DNM3: variants seen among roughly 807,000 people sequenced by gnomAD.
DNM3 encodes the protein dynamin 3.
Under a neutral mutation model 101.6 loss-of-function variants are expected in DNM3, and 47 were observed. The observed-to-expected ratio is 0.46, with a 90% CI of 0.37 to 0.59. DNM3 has a LOEUF of 0.59. DNM3 is among the 20% of genes least tolerant of loss of function. The probability of loss-of-function intolerance (pLI) is 0.00; values close to 1 mark genes in which losing one functional copy is unlikely to be tolerated. For missense variants in DNM3, 849 were observed against 1,085.7 expected (o/e 0.78, Z 3.06); for synonymous variants, 385 against 387.9 (o/e 0.99, Z 0.09).
At chr1:172,047,670 T>C (rs2125858284) in intron 9 of DNM3, among the ~76,000 whole-genome samples, 1 of 152,180 alleles carries the variant, frequency 6.6e-6, no homozygotes, top group South Asian at 2.1e-4. Flanking sequence ...CAGTTAGAAA[T>C]AGAGGTGAGC....
At chr1:172,224,416 C>G (rs1294369506) in intron 14 of DNM3, among the ~76,000 whole-genome samples, 1 of 152,044 alleles carries the variant, frequency 6.6e-6, no homozygotes, top group Non-Finnish European at 1.5e-5. Context: ...TAGCTGTACT[C>G]TATTTGTTTT....
chr1:172,267,158 A>G (rs1023731264), intron 15 of DNM3, among the ~76,000 whole-genome samples: 59 of 152,168 alleles, frequency 3.9e-4, no homozygotes, highest in African/African-American at 1.1e-3. Flanking sequence ...CAATTCTATA[A>G]CTTCTCTACT....
At chr1:172,159,510 G>A (rs1173762246) in intron 14 of DNM3, among the ~76,000 whole-genome samples, 2 of 152,012 alleles carry the variant, frequency 1.3e-5, no homozygotes, top group Non-Finnish European at 2.9e-5. Flanking sequence ...ATGTGAATGA[G>A]ATCCAGTGCT....
intron 2 of DNM3, among the ~76,000 whole-genome samples, chr1:171,924,464 G>T (rs1437205746): frequency 2.0e-5 from 3 of 152,190 alleles, no homozygotes; most frequent in Non-Finnish European, 4.4e-5. Context: ...CAGCATGGCT[G>T]GGGAGGTCTC....
At chr1:172,321,261 A>T (rs1332948291) in intron 16 of DNM3, among the ~76,000 whole-genome samples, 3 of 152,200 alleles carry the variant, frequency 2.0e-5, no homozygotes, top group African/African-American at 7.2e-5. Flanking sequence ...CATATTTATT[A>T]AAGTGCTGAT....
intron 15 of DNM3, among the ~76,000 whole-genome samples, chr1:172,263,756 G>C (rs112221788): frequency 0.021 from 3,162 of 152,210 alleles, 112 homozygotes; most frequent in African/African-American, 0.071. Flanking sequence ...ATTTATGGGA[G>C]CTACAATTCA....
intron 11 of DNM3, among the ~76,000 whole-genome samples, chr1:172,079,535 G>A (rs1264424300): frequency 1.3e-5 from 2 of 151,912 alleles, no homozygotes; most frequent in African/African-American, 4.8e-5. Context: ...TTTTTTCAAG[G>A]TTCTTAGCTT....
chr1:172,315,116 T>C (rs2065268051), intron 16 of DNM3, among the ~76,000 whole-genome samples: 1 of 152,188 alleles, frequency 6.6e-6, no homozygotes, highest in African/African-American at 2.4e-5. Flanking sequence ...CCGCTGCTGA[T>C]ACCCAGGCAA....
At chr1:172,014,390 G>T (rs1183308234) in intron 4 of DNM3, among the ~76,000 whole-genome samples, 1 of 152,066 alleles carries the variant, frequency 6.6e-6, no homozygotes, top group African/African-American at 2.4e-5. Flanking sequence ...TTCCAAAGTG[G>T]CTATACCATT....
At chr1:172,262,462 G>A (rs1168181988) in intron 15 of DNM3, among the ~76,000 whole-genome samples, 1 of 152,110 alleles carries the variant, frequency 6.6e-6, no homozygotes, top group Admixed American at 6.5e-5. Flanking sequence ...GGATTGAGGT[G>A]TTCTCTCATG....
At chr1:172,173,963 G>A (rs867612118) in intron 14 of DNM3, among the ~76,000 whole-genome samples, 1 of 151,506 alleles carries the variant, frequency 6.6e-6, no homozygotes, top group African/African-American at 2.4e-5. Context: ...TACCAAACTA[G>A]AAATCCATAA....
intron 14 of DNM3, among the ~76,000 whole-genome samples, chr1:172,253,313 A>C (rs529632292): frequency 6.6e-6 from 1 of 152,042 alleles, no homozygotes; most frequent in African/African-American, 2.4e-5. Context: ...CATTTTTCCA[A>C]CCACATGTTG....
intron 4 of DNM3, 97 bp from the exon 5 acceptor site, chr1:172,032,305 C>G (rs993576083): frequency 1.1e-6 from 1 of 879,642 alleles, no homozygotes; most frequent in Non-Finnish European, 1.9e-6. Flanking sequence ...GGAAAAGGAC[C>G]AGGAAAATGT....
chr1:171,946,004 G>A (rs1261366865), intron 2 of DNM3, among the ~76,000 whole-genome samples: 1 of 152,150 alleles, frequency 6.6e-6, no homozygotes, highest in Admixed American at 6.5e-5. Flanking sequence ...GGTGCCTTGC[G>A]CAGCTGGAGA....
Position 171,921,870 on chromosome 1 carries a change from C to G in DNM3, c.235+49C>G, listed in dbSNP as rs199507116. 1,741 of 1,518,910 alleles carry G rather than the reference C, an allele frequency of 1.1e-3. 12 individuals carry two copies. Among genetic ancestry groups the G allele is most frequent in the South Asian group, 8.2e-3 (691 of 83,978 alleles). The allele number at this position is 1,518,910 out of a possible 1,614,324, so 94.1% of individuals were successfully genotyped here. ...CATGGATGGGCACATCCTGTGGCCC[C>G]TTTTGCCTTCATAGGTGTGGGATTG... On this transcript the variant is annotated intron_variant, in intron 2 of 20. Transcript: ENST00000627582.
At chr1:172,280,278 A>G (rs987149391) in intron 15 of DNM3, among the ~76,000 whole-genome samples, 7 of 151,898 alleles carry the variant, frequency 4.6e-5, no homozygotes, top group African/African-American at 1.7e-4. Context: ...ATCCTGCTCT[A>G]TTTTGTTCAT....
chr1:172,308,359 T>C (rs1442787471), intron 15 of DNM3, among the ~76,000 whole-genome samples: 1 of 152,218 alleles, frequency 6.6e-6, no homozygotes, highest in African/African-American at 2.4e-5. Context: ...TTTAGTCATT[T>C]AGACTCATAA....
intron 17 of DNM3, among the ~76,000 whole-genome samples, chr1:172,338,475 CCT>C (rs1419346030): frequency 6.6e-6 from 1 of 152,162 alleles, no homozygotes; most frequent in African/African-American, 2.4e-5. Flanking sequence ...TTCCCAAGTC[CCT>C]GTCAGCTGTG....
chr1:172,103,469 T>C (rs1220897859), intron 13 of DNM3, among the ~76,000 whole-genome samples: 2 of 152,186 alleles, frequency 1.3e-5, no homozygotes, highest in African/African-American at 4.8e-5. Context: ...AAAACTTCTT[T>C]GTGGCATAAT....
Sources: gnomAD v4.1 joint callset for allele counts (sites outside exome capture counted in the v4.1 genomes callset) on GRCh38, gnomAD v4.1.1 for gene constraint, MANE v1.5 for transcripts, NCBI Gene and HGNC (gene_info 2026-07-23, HGNC 2026-07-21) for gene names.